BLM: variants seen among roughly 807,000 people sequenced by gnomAD.
BLM encodes the protein recQ-like DNA helicase BLM.
A neutral mutation model predicts 135.3 loss-of-function variants in BLM; 95 were observed. The observed-to-expected ratio is 0.70, with a 90% CI of 0.59 to 0.83. The LOEUF (loss-of-function observed/expected upper bound fraction) is 0.83, where lower values mean the gene tolerates loss of function less well. Among genes scored for constraint, BLM ranks in the 40% least tolerant of loss-of-function variants. BLM has a pLI of 0.00. For synonymous variants in BLM, 520 were observed against 589.2 expected (o/e 0.88, Z 1.70); for missense variants, 1,518 against 1,663.9 (o/e 0.91, Z 1.53).
intron 12 of BLM, among the ~76,000 whole-genome samples, chr15:90,781,110 G>A (rs560599244): frequency 1.3e-5 from 2 of 152,292 alleles, no homozygotes; most frequent in African/African-American, 2.4e-5. Context: ...GGAGGAAATG[G>A]GGCAAGAATA....
intron 19 of BLM, among the ~76,000 whole-genome samples, chr15:90,805,994 C>T (rs1016650001): frequency 6.6e-6 from 1 of 152,052 alleles, no homozygotes; most frequent in Non-Finnish European, 1.5e-5. Flanking sequence ...GGATTACAGG[C>T]ATGCGCCCAC....
At chr15:90,801,119 A>G (rs902031156) in intron 17 of BLM, among the ~76,000 whole-genome samples, 3 of 152,054 alleles carry the variant, frequency 2.0e-5, no homozygotes, top group African/African-American at 7.2e-5. Context: ...ACTGCACTCC[A>G]GCCTGGGTGA....
At chr15:90,744,718 A>G (rs1488898337) in intron 1 of BLM, among the ~76,000 whole-genome samples, 2 of 151,910 alleles carry the variant, frequency 1.3e-5, no homozygotes, top group East Asian at 3.9e-4. Flanking sequence ...TGCCCTAGGA[A>G]ATGCAGAGAT....
At chr15:90,792,784 G>T (rs935151429) in intron 15 of BLM, among the ~76,000 whole-genome samples, 1 of 152,106 alleles carries the variant, frequency 6.6e-6, no homozygotes, top group Admixed American at 6.5e-5. Flanking sequence ...GGAGGAAAAT[G>T]AAATGCAGAA....
intron 15 of BLM, among the ~76,000 whole-genome samples, chr15:90,793,514 A>T (rs28385094): frequency 0.16 from 24,420 of 152,124 alleles, 2,011 homozygotes; most frequent in Non-Finnish European, 0.19. Context: ...ATCAAATCCG[A>T]CACTGCCACC....
At chr15:90,741,079 T>TTTCC (rs1895352467) in intron 1 of BLM, among the ~76,000 whole-genome samples, 1 of 152,184 alleles carries the variant, frequency 6.6e-6, no homozygotes, top group Non-Finnish European at 1.5e-5. Flanking sequence ...AGGGTTCTGA[T>TTTCC]TTCCCCACAT....
chr15:90,754,868 A>G lies in BLM; in HGVS notation c.1017A>G (p.Lys339=). Residue 339 remains lysine, a synonymous_variant, in exon 5 of 22, where the codon AAA becomes AAG. Coordinates refer to ENST00000355112, the MANE Select transcript of BLM (RefSeq NM_000057.4). ...AAGAGGATGTTCTTAGCACATCAAA[A>G]GATCTTTTGTCAAAACCTGAGAAAA... ...DRKEDVLSTS[K]DLLSKPEKMS... is the part of the protein sequence containing the mutation. 2 of 1,614,032 alleles carry G rather than the reference A, an allele frequency of 1.2e-6. No homozygotes were observed. The highest frequency in any genetic ancestry group is 1.7e-6 in the Non-Finnish European group (2 of 1,179,954).
At chr15:90,781,494 C>T (rs935086042) in intron 12 of BLM, among the ~76,000 whole-genome samples, 3 of 152,042 alleles carry the variant, frequency 2.0e-5, no homozygotes, top group South Asian at 2.1e-4. Context: ...GGTGTGGTGG[C>T]GGGCACCTGT....
chr15:90,764,485 G>A (rs1375654587), intron 8 of BLM, among the ~76,000 whole-genome samples: 3 of 151,698 alleles, frequency 2.0e-5, no homozygotes, highest in African/African-American at 4.8e-5. Context: ...AGAAGCTGGG[G>A]CTACAGGCAT....
intron 21 of BLM, among the ~76,000 whole-genome samples, chr15:90,812,726 A>G (rs951834377): frequency 6.6e-6 from 1 of 152,232 alleles, no homozygotes; most frequent in African/African-American, 2.4e-5. Context: ...GTAATAAAAA[A>G]CAAGAACTGA....
intron 1 of BLM, among the ~76,000 whole-genome samples, chr15:90,738,364 A>G (rs1443605859): frequency 6.6e-6 from 1 of 152,192 alleles, no homozygotes; most frequent in East Asian, 1.9e-4. Flanking sequence ...TCTTGAGCCT[A>G]GGAGTTGGAG....
At position 90,749,231 on chromosome 15, in the gene BLM, G is replaced by A. The variant is rs1037952934; in HGVS notation, c.99-136G>A. 7.7e-6 allele frequency: 5 copies of A among 648,934 alleles called. No homozygotes were observed. The East Asian group carries it at 1.1e-4, about 15-fold the overall frequency. The allele number at this position is 648,934 out of a possible 1,614,324, so 40.2% of individuals were successfully genotyped here. ...TAAGTTACCTGATAAATTTAAAATC[G>A]AGAGAGATGGATTCTTTGCTCAGTT... is the stretch of plus-strand genomic sequence containing the variant. On this transcript the variant is annotated intron_variant, in intron 2 of 21. Coordinates refer to ENST00000355112, the MANE Select transcript of BLM (RefSeq NM_000057.4).
intron 1 of BLM, among the ~76,000 whole-genome samples, chr15:90,732,862 G>A (rs749756954): frequency 2.0e-5 from 3 of 152,290 alleles, no homozygotes; most frequent in Non-Finnish European, 2.9e-5. Context: ...TTGGGAGGCC[G>A]AAGCAGGCAG....
In BLM at chr15:90,749,382, A is replaced by G. The variant is rs770017301; in HGVS notation, c.114A>G (p.Lys38=). 72 of 1,604,044 alleles carry G rather than the reference A, an allele frequency of 4.5e-5. No individual in the cohort carries two copies. Among genetic ancestry groups the G allele is most frequent in the Admixed American group, 1.3e-4 (8 of 59,536 alleles). ...TATTTTTCAGAGGTTTCACTTTTAAAAAGAAAACATCTTCAGATAACAATG... is the reference window on the plus strand; with the variant it reads ...TATTTTTCAGAGGTTTCACTTTTAAGAAGAAAACATCTTCAGATAACAATG... ...SKPKFSGFTF[K]KKTSSDNNVS... is the part of the protein sequence containing the mutation. The change falls in exon 3 of 22, where the codon AAA becomes AAG. Residue 38 remains lysine, a synonymous_variant. Coordinates refer to ENST00000355112, the MANE Select transcript of BLM (RefSeq NM_000057.4).
At chr15:90,804,489 G>A (rs1897242713) in intron 19 of BLM, 130 bp downstream of exon 19, 2 of 1,041,946 alleles carry the variant, frequency 1.9e-6, no homozygotes, top group Admixed American at 3.8e-5. Context: ...TTTGAGACGG[G>A]GTCTCGCTGT....
chr15:90,774,402 T>G (rs539315998), intron 12 of BLM, among the ~76,000 whole-genome samples: 1 of 152,060 alleles, frequency 6.6e-6, no homozygotes, highest in African/African-American at 2.4e-5. Context: ...CCTTCAGCAG[T>G]GTGTGGGGGT....
At chr15:90,752,741 A>G (rs907984141) in intron 4 of BLM, among the ~76,000 whole-genome samples, 1 of 152,230 alleles carries the variant, frequency 6.6e-6, no homozygotes, top group Non-Finnish European at 1.5e-5. Context: ...TAAATTGCTA[A>G]GTGTCAATGT....
At chr15:90,770,417 C>T (rs965317519) in intron 12 of BLM, among the ~76,000 whole-genome samples, 3 of 152,174 alleles carry the variant, frequency 2.0e-5, no homozygotes, top group Non-Finnish European at 4.4e-5. Flanking sequence ...ACCTCGTGAT[C>T]CGCCCGCCTT....
In BLM at chr15:90,754,849, A is replaced by G. The variant is rs772415449; in HGVS notation, c.998A>G (p.Asp333Gly). The G allele has an allele frequency of 1.2e-6, 2 of 1,613,954 alleles. No homozygotes were observed. The highest frequency in any genetic ancestry group is 1.7e-5 in the Admixed American group (1 of 60,016). ...KDLDTSDRKEDVLSTSKDLLS... is the reference protein window; with the variant it reads ...KDLDTSDRKEGVLSTSKDLLS... ...CTTGACACCTCTGACAGAAAAGAGGATGTTCTTAGCACATCAAAAGATCTT... is the reference window on the plus strand; with the variant it reads ...CTTGACACCTCTGACAGAAAAGAGGGTGTTCTTAGCACATCAAAAGATCTT... The change falls in exon 5 of 22, where the codon GAT becomes GGT. Residue 333 changes from aspartate (D) to glycine (G), a missense_variant. Transcript: ENST00000355112.
Sources: gnomAD v4.1 joint callset for allele counts (sites outside exome capture counted in the v4.1 genomes callset) on GRCh38, gnomAD v4.1.1 for gene constraint, MANE v1.5 for transcripts, NCBI Gene and HGNC (gene_info 2026-07-23, HGNC 2026-07-21) for gene names.